SCN3A: variants seen among roughly 807,000 people sequenced by gnomAD.
The protein encoded by SCN3A is sodium channel protein type 3 subunit alpha.
A neutral mutation model predicts 187.6 loss-of-function variants in SCN3A; 60 were observed. The ratio of observed to expected loss-of-function variants is 0.32; its 90% CI spans 0.26 to 0.40. The LOEUF (loss-of-function observed/expected upper bound fraction) is 0.40, where lower values mean the gene tolerates loss of function less well. Among genes scored for constraint, SCN3A ranks in the 10% least tolerant of loss-of-function variants. SCN3A has a pLI of 1.00. For missense variants in SCN3A, 1,601 were observed against 2,428.2 expected (o/e 0.66, Z 7.16); for synonymous variants, 788 against 829.2 (o/e 0.95, Z 0.85).
At chr2:165,114,783 A>C (rs1686280465) in intron 19 of SCN3A, among the ~76,000 whole-genome samples, 1 of 152,200 alleles carries the variant, frequency 6.6e-6, no homozygotes, top group Non-Finnish European at 1.5e-5. Context: ...CTATAAATCA[A>C]ATCACACCAT....
chr2:165,160,985 T>G (rs1257147958), intron 9 of SCN3A, among the ~76,000 whole-genome samples: 1 of 152,154 alleles, frequency 6.6e-6, no homozygotes, highest in African/African-American at 2.4e-5. Context: ...TGCAGTGGCA[T>G]GATCATAGCT....
chr2:165,121,213 G>C (rs1302110793), intron 18 of SCN3A, among the ~76,000 whole-genome samples: 2 of 151,952 alleles, frequency 1.3e-5, no homozygotes, highest in African/African-American at 2.4e-5. Flanking sequence ...GAAGACACTG[G>C]CCATGTAACA....
At chr2:165,169,866 T>C (rs546063995) in intron 4 of SCN3A, among the ~76,000 whole-genome samples, 17 of 151,986 alleles carry the variant, frequency 1.1e-4, no homozygotes, top group South Asian at 1.0e-3. Context: ...CAAGTTCGAC[T>C]TTTTGATACA....
chr2:165,103,072 A>G (rs1222126933), intron 21 of SCN3A, among the ~76,000 whole-genome samples: 1 of 152,224 alleles, frequency 6.6e-6, no homozygotes, highest in Non-Finnish European at 1.5e-5. Flanking sequence ...GTCATTTTGT[A>G]TAAGGCAAAA....
At position 165,164,691 on chromosome 2, in the gene SCN3A, C is replaced by T. The variant is rs11903711; in HGVS notation, c.474-171G>A. 0.23 allele frequency among the ~76,000 whole-genome samples: 34,372 copies of T among 151,966 alleles called. 5,086 individuals carry two copies. The highest frequency in any genetic ancestry group is 0.52 in the East Asian group (2,695 of 5,178). On this transcript the variant is annotated intron_variant, in intron 5 of 27. Transcript: ENST00000283254. Reference sequence around the variant, plus strand: ...ATTTAGTTAGTTTTACAAGCCTGAGCAAAGAGTTAAACTGAAGAGAAAATA... The same window carrying T: ...ATTTAGTTAGTTTTACAAGCCTGAGTAAAGAGTTAAACTGAAGAGAAAATA...
At chr2:165,121,530 C>T in intron 18 of SCN3A, among the ~76,000 whole-genome samples, 1 of 152,148 alleles carries the variant, frequency 6.6e-6, no homozygotes, top group East Asian at 1.9e-4. Flanking sequence ...GCATAAATCA[C>T]CATGGACTGT....
intron 16 of SCN3A, 42 bp downstream of exon 16, chr2:165,131,202 A>C (rs1381230418): frequency 6.1e-6 from 8 of 1,308,906 alleles, no homozygotes; most frequent in Admixed American, 2.0e-5. Context: ...TTCAAAATAA[A>C]TGTTGTGCCA....
intron 18 of SCN3A, among the ~76,000 whole-genome samples, chr2:165,126,108 A>T (rs530724055): frequency 2.0e-5 from 3 of 152,314 alleles, no homozygotes; most frequent in African/African-American, 7.2e-5. Flanking sequence ...ATTTAAAAAA[A>T]AGAGTTCCAA....
intron 17 of SCN3A, among the ~76,000 whole-genome samples, 169 bp from the exon 18 acceptor site, chr2:165,128,270 A>G (rs1182076809): frequency 6.6e-6 from 1 of 152,170 alleles, no homozygotes; most frequent in Non-Finnish European, 1.5e-5. Flanking sequence ...TAAAGGACCT[A>G]ATATCCTGCT....
At chr2:165,123,101 C>T (rs1201750670) in intron 18 of SCN3A, among the ~76,000 whole-genome samples, 1 of 150,532 alleles carries the variant, frequency 6.6e-6, no homozygotes, top group South Asian at 2.1e-4. Context: ...ATTATGAGAA[C>T]TTAAAAAATA....
chr2:165,160,198 C>A (rs1244443592), intron 9 of SCN3A, among the ~76,000 whole-genome samples: 1 of 82,410 alleles, frequency 1.2e-5, no homozygotes, highest in Admixed American at 1.4e-4. Flanking sequence ...TGCCTGTAAT[C>A]CCCAGCACTT....
At chr2:165,185,550 A>G (rs568440568) in intron 2 of SCN3A, among the ~76,000 whole-genome samples, 1 of 152,330 alleles carries the variant, frequency 6.6e-6, no homozygotes, top group Non-Finnish European at 1.5e-5. Context: ...CTTCAGCCAA[A>G]TTAAAACCAG....
chr2:165,109,213 T>C (rs1686001101), intron 21 of SCN3A, among the ~76,000 whole-genome samples: 1 of 152,192 alleles, frequency 6.6e-6, no homozygotes, highest in Non-Finnish European at 1.5e-5. Flanking sequence ...CTAAATGTTA[T>C]AGTGTCCCCA....
rs1332769888 is a variant in SCN3A, at chr2:165,089,812, TA to T, written c.*337del. 1.8e-5 allele frequency: 4 copies of T among 217,466 alleles called. No individual in the cohort carries two copies. The highest frequency in any genetic ancestry group is 3.7e-5 in the Non-Finnish European group (4 of 109,204). The allele number at this position is 217,466 out of a possible 1,614,324, so 13.5% of individuals were successfully genotyped here. ...GTAAAAATATGGCAGATATGGAAGT[TA>T]AAAATAGAATGGATGCAAGGACTGT... On this transcript the variant is annotated 3_prime_UTR_variant, in exon 28 of 28. Transcript: ENST00000283254.
chr2:165,179,552 C>A (rs966426196), intron 2 of SCN3A: 6 of 152,092 alleles, frequency 3.9e-5, no homozygotes, highest in Admixed American at 1.3e-4. Context: ...AGTCCTTTAC[C>A]TTCTTATTTA....
intron 21 of SCN3A, among the ~76,000 whole-genome samples, chr2:165,107,958 A>G (rs1222488683): frequency 6.6e-6 from 1 of 152,188 alleles, no homozygotes; most frequent in African/African-American, 2.4e-5. Context: ...CAGCTTGGCC[A>G]CTTATTAGTT....
chr2:165,090,411 A>T lies in SCN3A; in HGVS notation c.5742T>A (p.Tyr1914Ter). ...AAIIQRNFRC[Y>*]LLKQRLKNIS... ...TATTTTTTAACCTTTGCTTTAAAAG[A>T]TAACATCTGAAATTACGCTGAATGA... The change falls in exon 28 of 28, where the codon TAT becomes TAA. Residue 1914 changes from tyrosine (Y) to a stop codon, truncating the protein, a stop_gained. Coordinates refer to ENST00000283254, the MANE Select transcript of SCN3A (RefSeq NM_006922.4). LOFTEE classifies it high-confidence loss of function. This position sits in a 1 kb window ranked among gnomAD's most constrained non-coding sequence, Gnocchi z 4.0. 4 of 1,613,626 alleles carry T rather than the reference A, an allele frequency of 2.5e-6. No homozygotes were observed. Among genetic ancestry groups the T allele is most frequent in the Non-Finnish European group, 3.4e-6 (4 of 1,179,614 alleles).
chr2:165,091,369 T>C, intron 27 of SCN3A, 24 bp from the exon 28 acceptor site: 4 of 1,613,270 alleles, frequency 2.5e-6, no homozygotes, highest in Non-Finnish European at 2.5e-6. Context: ...AGAACACAGC[T>C]AAACAGATAA....
rs1690738862 is a variant in SCN3A, at chr2:165,180,013, A to G, written c.-50-3569T>C. On this transcript the variant is annotated intron_variant, in intron 2 of 27. Transcript: ENST00000283254. The stretch of plus-strand genomic sequence containing the variant: ...AAAATACATAAAATTTAATATATCA[A>G]ATTTTCTACAGAGCTATCTTTGCAA... 2.0e-5 allele frequency among the ~76,000 whole-genome samples: 3 copies of G among 152,200 alleles called. No homozygotes were observed. The South Asian group carries it at 6.2e-4, about 32-fold the overall frequency.
Sources: gnomAD v4.1 joint callset for allele counts (sites outside exome capture counted in the v4.1 genomes callset) on GRCh38, gnomAD v4.1.1 for gene constraint, Gnocchi (gnomAD v3.1) non-coding constraint, MANE v1.5 for transcripts, NCBI Gene and HGNC (gene_info 2026-07-23, HGNC 2026-07-21) for gene names.